Variants in PLCL1 observed in about 807,000 individuals in gnomAD.
PLCL1 encodes the protein inactive phospholipase C-like protein 1.
Under a neutral mutation model 84.4 loss-of-function variants are expected in PLCL1, and 41 were observed. The ratio of observed to expected loss-of-function variants is 0.49; its 90% CI spans 0.38 to 0.63. PLCL1 has a LOEUF of 0.63. Ranked by LOEUF, PLCL1 falls within the 30% of genes least tolerant of loss-of-function variation. The pLI, the probability that PLCL1 is intolerant of heterozygous loss-of-function variation, is 0.00. For synonymous variants in PLCL1, 490 were observed against 488.3 expected, an observed-to-expected ratio of 1.00 and a Z score of -0.05; for missense variants, 1,206 against 1,367.8, an observed-to-expected ratio of 0.88 and a Z score of 1.87.
intron 1 of PLCL1, among the ~76,000 whole-genome samples, chr2:198,013,195 C>T (rs1168285112): frequency 1.3e-5 from 2 of 152,034 alleles, no homozygotes; most frequent in Non-Finnish European, 1.5e-5. Flanking sequence ...CTAGATTTCT[C>T]TCAGGGGCAT....
intron 1 of PLCL1, among the ~76,000 whole-genome samples, chr2:197,861,408 T>A (rs1426611559): frequency 6.6e-6 from 1 of 152,180 alleles, no homozygotes; most frequent in Non-Finnish European, 1.5e-5. Flanking sequence ...TATCCATCTC[T>A]TATCTGGTGT....
At chr2:197,849,413 A>G (rs1687183136) in intron 1 of PLCL1, among the ~76,000 whole-genome samples, 1 of 151,992 alleles carries the variant, frequency 6.6e-6, no homozygotes, top group African/African-American at 2.4e-5. Context: ...AAAAGAAAAA[A>G]GGCTTTTTTG....
At chr2:198,094,972 A>G (rs1693158009) in intron 3 of PLCL1, among the ~76,000 whole-genome samples, 1 of 152,136 alleles carries the variant, frequency 6.6e-6, no homozygotes, top group East Asian at 1.9e-4. Flanking sequence ...ACAGCACTAG[A>G]GGGAACTGGG....
intron 1 of PLCL1, among the ~76,000 whole-genome samples, chr2:197,818,686 G>A (rs1351144772): frequency 2.0e-5 from 3 of 152,074 alleles, no homozygotes; most frequent in Non-Finnish European, 2.9e-5. Flanking sequence ...ACTCTTAAGT[G>A]TAAGATTGGA....
At chr2:198,057,364 T>C (rs1469697023) in intron 1 of PLCL1, among the ~76,000 whole-genome samples, 1 of 151,978 alleles carries the variant, frequency 6.6e-6, no homozygotes, top group Non-Finnish European at 1.5e-5. Flanking sequence ...GTGGGGGTAG[T>C]AGGGAGGATA....
intron 5 of PLCL1, among the ~76,000 whole-genome samples, chr2:198,120,307 C>T (rs187529957): frequency 2.6e-5 from 4 of 151,934 alleles, no homozygotes; most frequent in African/African-American, 7.2e-5. Context: ...AAGGATCTAT[C>T]CTTTGTGTTT....
intron 1 of PLCL1, among the ~76,000 whole-genome samples, chr2:198,014,185 A>G (rs570610116): frequency 3.3e-5 from 5 of 152,302 alleles, no homozygotes; most frequent in South Asian, 2.1e-4. Context: ...ACATGAGGAC[A>G]TGCTCTGCCT....
chr2:197,901,357 T>C (rs752895282), intron 1 of PLCL1, among the ~76,000 whole-genome samples: 9 of 152,172 alleles, frequency 5.9e-5, no homozygotes, highest in Non-Finnish European at 1.0e-4. Flanking sequence ...AGGTCAGTAC[T>C]GTAATAAATA....
intron 1 of PLCL1, among the ~76,000 whole-genome samples, chr2:197,999,636 A>G (rs1333636061): frequency 6.6e-6 from 1 of 152,228 alleles, no homozygotes; most frequent in Non-Finnish European, 1.5e-5. Flanking sequence ...TTAGATGTAT[A>G]GGGCGTTGCT....
chr2:198,042,031 G>A (rs566234541), intron 1 of PLCL1, among the ~76,000 whole-genome samples: 74 of 152,232 alleles, frequency 4.9e-4, no homozygotes, highest in African/African-American at 1.6e-3. Flanking sequence ...TCTATCCTCC[G>A]CCTTTCCAGT....
chr2:198,001,954 G>A (rs1026321537), intron 1 of PLCL1: 7 of 434,456 alleles, frequency 1.6e-5, no homozygotes, highest in Admixed American at 9.6e-5. Context: ...ACCCCCAGAT[G>A]GGACTGTGTA....
At chr2:197,853,385 G>T (rs1687274593) in intron 1 of PLCL1, among the ~76,000 whole-genome samples, 1 of 152,162 alleles carries the variant, frequency 6.6e-6, no homozygotes, top group Non-Finnish European at 1.5e-5. Flanking sequence ...ATATTCCCCG[G>T]AAGTGGGATT....
At chr2:197,877,088 A>C (rs1358310896) in intron 1 of PLCL1, among the ~76,000 whole-genome samples, 1 of 152,168 alleles carries the variant, frequency 6.6e-6, no homozygotes, top group African/African-American at 2.4e-5. Flanking sequence ...TTCAGCAAAG[A>C]AATTCAGTTA....
intron 1 of PLCL1, among the ~76,000 whole-genome samples, chr2:198,067,919 T>C (rs556184589): frequency 6.6e-6 from 1 of 152,348 alleles, no homozygotes; most frequent in African/African-American, 2.4e-5. Context: ...AACACAGTCA[T>C]TCTCATAGAT....
At chr2:197,825,601 C>G (rs570713315) in intron 1 of PLCL1, among the ~76,000 whole-genome samples, 53 of 152,320 alleles carry the variant, frequency 3.5e-4, no homozygotes, top group African/African-American at 1.2e-3. Flanking sequence ...AACTCATTCT[C>G]TTCTACCTTC....
intron 1 of PLCL1, among the ~76,000 whole-genome samples, chr2:197,991,823 G>A (rs1470990052): frequency 6.6e-6 from 1 of 152,132 alleles, no homozygotes; most frequent in Non-Finnish European, 1.5e-5. Context: ...CTTGAAGCAT[G>A]GTGGGGTATG....
chr2:197,975,667 G>A (rs909272528), intron 1 of PLCL1, among the ~76,000 whole-genome samples: 12 of 152,202 alleles, frequency 7.9e-5, no homozygotes, highest in African/African-American at 2.9e-4. Context: ...TTAGCTGGAT[G>A]TGGTGGCACA....
intron 1 of PLCL1, among the ~76,000 whole-genome samples, chr2:197,861,407 C>T (rs1166033159): frequency 6.6e-6 from 1 of 152,158 alleles, no homozygotes; most frequent in African/African-American, 2.4e-5. Flanking sequence ...CTATCCATCT[C>T]TTATCTGGTG....
intron 1 of PLCL1, among the ~76,000 whole-genome samples, chr2:197,868,995 A>G (rs1687597666): frequency 6.6e-6 from 1 of 152,180 alleles, no homozygotes; most frequent in South Asian, 2.1e-4. Context: ...TTAAAAACTG[A>G]TAATTGTGTT....
Sources: gnomAD v4.1 joint callset for allele counts (sites outside exome capture counted in the v4.1 genomes callset) on GRCh38, gnomAD v4.1.1 for gene constraint, MANE v1.5 for transcripts, NCBI Gene and HGNC (gene_info 2026-07-23, HGNC 2026-07-21) for gene names.